Variants in PDE1A observed in about 807,000 individuals in gnomAD.
PDE1A encodes the protein dual specificity calcium/calmodulin-dependent 3',5'-cyclic nucleotide phosphodiesterase 1A.
Under a neutral mutation model 61.7 loss-of-function variants are expected in PDE1A, and 35 were observed. The observed-to-expected ratio is 0.57, with a 90% CI of 0.43 to 0.75. The LOEUF (loss-of-function observed/expected upper bound fraction) is 0.75. Ranked by LOEUF, PDE1A falls within the 30% of genes least tolerant of loss-of-function variation. The pLI is 0.00. For synonymous variants in PDE1A, 232 were observed against 213.2 expected (o/e 1.09, Z -0.77); for missense variants, 597 against 630.6 (o/e 0.95, Z 0.57).
chr2:182,287,908 C>T (rs1003839486), intron 1 of PDE1A, among the ~76,000 whole-genome samples: 3 of 152,034 alleles, frequency 2.0e-5, no homozygotes, highest in African/African-American at 7.2e-5. Flanking sequence ...AATTTTTCAG[C>T]CTGGAACAAA....
At chr2:182,627,104 TAAA>T in the PDE1A span, among the ~76,000 whole-genome samples, 1 of 43,546 alleles carries the variant, frequency 2.3e-5, no homozygotes, top group African/African-American at 7.3e-5. Flanking sequence ...TATGTATATA[TAAA>T]ATATAAATAA....
At chr2:182,309,937 G>A (rs1481057060) in intron 1 of PDE1A, among the ~76,000 whole-genome samples, 3 of 152,086 alleles carry the variant, frequency 2.0e-5, no homozygotes, top group Non-Finnish European at 4.4e-5. Flanking sequence ...AGAGAGGAGA[G>A]AATGCCAATG....
chr2:182,365,827 T>C (rs1699807418), intron 1 of PDE1A, among the ~76,000 whole-genome samples: 1 of 152,048 alleles, frequency 6.6e-6, no homozygotes, highest in South Asian at 2.1e-4. Context: ...GTTCTCCATG[T>C]AACTGAAATC....
chr2:182,515,350 T>A (rs532473395), intron 2 of PDE1A, among the ~76,000 whole-genome samples: 1 of 152,358 alleles, frequency 6.6e-6, no homozygotes, highest in African/African-American at 2.4e-5. Flanking sequence ...ATTTATTGAA[T>A]GAGTAAATGA....
At chr2:182,344,745 C>CTT (rs1698412115) in intron 1 of PDE1A, among the ~76,000 whole-genome samples, 1 of 95,280 alleles carries the variant, frequency 1.0e-5, no homozygotes, top group African/African-American at 6.4e-5. Flanking sequence ...CTGTCTCTCT[C>CTT]TCTCTCACAC....
the PDE1A span, among the ~76,000 whole-genome samples, chr2:182,699,516 T>C: frequency 1.4e-4 from 22 of 152,328 alleles, no homozygotes; most frequent in South Asian, 4.1e-4. Flanking sequence ...AGAATGAAGA[T>C]GTATTTTTTC....
chr2:182,176,201 G>A (rs1692765319), intron 13 of PDE1A, among the ~76,000 whole-genome samples: 1 of 148,294 alleles, frequency 6.7e-6, no homozygotes, highest in Non-Finnish European at 1.5e-5. Context: ...CTTTAAAGTA[G>A]TTTTTTCCAA....
At chr2:182,179,293 G>C (rs554547109) in intron 13 of PDE1A, among the ~76,000 whole-genome samples, 32 of 152,122 alleles carry the variant, frequency 2.1e-4, no homozygotes, top group African/African-American at 7.5e-4. Context: ...TTTTCTGCAA[G>C]ATCCAGAAAA....
intron 13 of PDE1A, among the ~76,000 whole-genome samples, chr2:182,182,617 T>A (rs1684862866): frequency 6.6e-6 from 1 of 152,144 alleles, no homozygotes; most frequent in South Asian, 2.1e-4. Context: ...TGGTTTCCTG[T>A]CTTTCTCGGG....
intron 1 of PDE1A, among the ~76,000 whole-genome samples, chr2:182,310,439 G>A (rs943093472): frequency 6.6e-6 from 1 of 152,122 alleles, no homozygotes; most frequent in African/African-American, 2.4e-5. Flanking sequence ...GAAATGCTTT[G>A]CAATTGTAGC....
At chr2:182,555,067 C>T in the PDE1A span, among the ~76,000 whole-genome samples, 7 of 152,152 alleles carry the variant, frequency 4.6e-5, no homozygotes, top group East Asian at 5.8e-4. Flanking sequence ...TGTGAACAAA[C>T]GTAATCTGTT....
the PDE1A span, among the ~76,000 whole-genome samples, chr2:182,531,250 A>C: frequency 1.3e-5 from 2 of 151,990 alleles, no homozygotes; most frequent in African/African-American, 4.8e-5. Flanking sequence ...AAAAACAAGA[A>C]AGCAAAAAAT....
chr2:182,577,996 CGGAG>C, the PDE1A span, among the ~76,000 whole-genome samples: 1 of 103,114 alleles, frequency 9.7e-6, no homozygotes, highest in South Asian at 2.9e-4. Flanking sequence ...AAGGAAGGGA[CGGAG>C]GGAGGGAGGG....
At chr2:182,250,487 A>G (rs1333322247) in intron 2 of PDE1A, among the ~76,000 whole-genome samples, 1 of 152,168 alleles carries the variant, frequency 6.6e-6, no homozygotes, top group African/African-American at 2.4e-5. Flanking sequence ...CCACTGAAGC[A>G]TGTTTATTTA....
chr2:182,612,366 G>C, the PDE1A span, among the ~76,000 whole-genome samples: 2 of 152,106 alleles, frequency 1.3e-5, no homozygotes, highest in Non-Finnish European at 2.9e-5. Context: ...AGTCAAAAAT[G>C]AACATTCTCT....
At chr2:182,343,884 T>G (rs1311230002) in intron 1 of PDE1A, among the ~76,000 whole-genome samples, 1 of 151,748 alleles carries the variant, frequency 6.6e-6, no homozygotes, top group East Asian at 1.9e-4. Context: ...TTTTTTTTTT[T>G]TTGTTGAGGC....
At chr2:182,549,739 A>C in the PDE1A span, among the ~76,000 whole-genome samples, 2 of 152,120 alleles carry the variant, frequency 1.3e-5, no homozygotes, top group African/African-American at 4.8e-5. Context: ...CCAAGTTATT[A>C]GGGTTCTTTC....
chr2:182,694,830 G>GC, the PDE1A span, among the ~76,000 whole-genome samples: 25 of 101,478 alleles, frequency 2.5e-4, 1 homozygote, highest in African/African-American at 6.2e-4. Context: ...AAAGGTGGGG[G>GC]GGGGGCAACA....
the PDE1A span, among the ~76,000 whole-genome samples, chr2:182,533,968 A>G: frequency 2.6e-5 from 4 of 152,098 alleles, no homozygotes; most frequent in African/African-American, 7.2e-5. Context: ...TATGATATCA[A>G]TGGCAACATT....
Sources: allele counts gnomAD v4.1 joint callset (sites outside exome capture counted in the v4.1 genomes callset), GRCh38; gene constraint gnomAD v4.1.1; transcripts MANE v1.5; gene names NCBI Gene and HGNC (gene_info 2026-07-23, HGNC 2026-07-21).